Variants in SLAIN1 observed in about 807,000 individuals in gnomAD.
SLAIN1 encodes SLAIN motif-containing protein 1.
A neutral mutation model predicts 55.4 loss-of-function variants in SLAIN1; 17 were observed. The observed-to-expected ratio is 0.31, with a 90% CI of 0.21 to 0.46. SLAIN1 has a LOEUF of 0.46. SLAIN1 is among the 20% of genes least tolerant of loss of function. SLAIN1 has a pLI of 1.00. For missense variants in SLAIN1, 682 were observed against 785.1 expected, an observed-to-expected ratio of 0.87 and a Z score of 1.57; for synonymous variants, 348 against 337.4, an observed-to-expected ratio of 1.03 and a Z score of -0.35.
chr13:77,718,240 TTA>T (rs1286775990), intron 1 of SLAIN1, among the ~76,000 whole-genome samples: 4 of 152,130 alleles, frequency 2.6e-5, no homozygotes, highest in African/African-American at 9.7e-5. Flanking sequence ...AGATACGGTT[TTA>T]TGTTTTTAAA....
chr13:77,753,337 A>G lies in SLAIN1; in HGVS notation c.1393A>G (p.Ile465Val), dbSNP rs1874376264. Residue 465 changes from isoleucine to valine, a missense_variant, in exon 5 of 7, where the codon ATT becomes GTT. By Grantham distance (29) the Ile-to-Val change is conservative. Transcript: ENST00000418532. The part of the protein sequence containing the change: ...DSSLHGAGNG[I>V]SRIQSCIPSP... ...AAGCTTGCATGGAGCTGGAAATGGA[A>G]TTTCAAGAATACAATCTTGTAGTGA... 6.2e-7 allele frequency: 1 copy of G among 1,608,228 alleles called. No homozygotes were observed. Among genetic ancestry groups the G allele is most frequent in the Non-Finnish European group, 8.5e-7 (1 of 1,177,158 alleles).
intron 1 of SLAIN1, among the ~76,000 whole-genome samples, chr13:77,703,988 TAG>T: frequency 2.9e-5 from 2 of 68,642 alleles, no homozygotes. Flanking sequence ...TATATATACA[TAG>T]AAAATATATA....
At chr13:77,747,575 C>T (rs565663850) in intron 4 of SLAIN1, among the ~76,000 whole-genome samples, 4 of 152,240 alleles carry the variant, frequency 2.6e-5, no homozygotes, top group Middle Eastern at 3.4e-3. Context: ...ACTGTCTGTT[C>T]CTAGCACAGA....
In SLAIN1 at chr13:77,697,827, G is replaced by A; in HGVS notation, c.-87G>A. On this transcript the variant is annotated 5_prime_UTR_variant, in exon 1 of 7. Transcript: ENST00000418532. ...GTCGGCCCCCCAGGCCGGGGCGACA[G>A]GGAAGGAGCCGTAGCCTCCCCGTGG... The A allele has an allele frequency of 8.3e-7, 1 of 1,199,578 alleles. No individual in the cohort carries two copies. The highest frequency in any genetic ancestry group is 1.0e-6 in the Non-Finnish European group (1 of 967,736). 74.3% of individuals were successfully genotyped at this position (1,199,578 alleles called of 1,614,324 possible).
chr13:77,741,232 A>G (rs1326096616), intron 2 of SLAIN1: 2 of 986,626 alleles, frequency 2.0e-6, no homozygotes, highest in Non-Finnish European at 2.4e-6. Context: ...AGTCACAAAG[A>G]ACTATTGGTC....
At position 77,717,990 on chromosome 13, in the gene SLAIN1, A is replaced by G. The variant is rs184921122; in HGVS notation, c.627-1542A>G. ...GGAAGTGGAAGGGATTATTACCTAC[A>G]TAGGTAGGTGATAATCTTGCCATAG... On this transcript the variant is annotated intron_variant, in intron 1 of 6. Transcript: ENST00000418532. 3.0e-4 allele frequency among the ~76,000 whole-genome samples: 45 copies of G among 152,220 alleles called. No individual in the cohort carries two copies. The South Asian group carries it at 6.8e-3, about 23-fold the overall frequency.
intron 5 of SLAIN1, among the ~76,000 whole-genome samples, chr13:77,756,967 T>C (rs1215169890): frequency 1.3e-5 from 2 of 152,136 alleles, no homozygotes; most frequent in African/African-American, 4.8e-5. Context: ...TACATGAACA[T>C]ATGCACTTTG....
rs370020705 is a variant in SLAIN1, at chr13:77,730,890, G to A, written c.766+11219G>A. On this transcript the variant is annotated intron_variant, in intron 2 of 6. Transcript: ENST00000418532. ...GGGAAAACAAGCAATTAAATCATAAGTTTTTTGGTCATTTTTAATTTCTTA... is the reference window on the plus strand; with the variant it reads ...GGGAAAACAAGCAATTAAATCATAAATTTTTTGGTCATTTTTAATTTCTTA... 4.3e-4 allele frequency among the ~76,000 whole-genome samples: 66 copies of A among 152,234 alleles called. No individual in the cohort carries two copies. The South Asian group carries it at 9.5e-3, about 22-fold the overall frequency.
rs1215352096 is a variant in SLAIN1 at position 77,698,159 on chromosome 13, C to T, written c.246C>T (p.Ser82=). 7 of 1,149,290 alleles carry T rather than the reference C, an allele frequency of 6.1e-6. No homozygotes were observed. Among genetic ancestry groups the T allele is most frequent in the South Asian group, 8.4e-5 (2 of 23,748 alleles). The allele number at this position is 1,149,290 out of a possible 1,614,324, so 71.2% of individuals were successfully genotyped here. The change falls in exon 1 of 7, where the codon AGC becomes AGT. Residue 82 remains serine (S), a synonymous_variant. Transcript: ENST00000418532. This position sits in a 1 kb window ranked among gnomAD's most constrained non-coding sequence, Gnocchi z 4.1. The part of the protein sequence containing the change: ...PAGLQPLGPR[S]PPAATATAAA... ...GCCTGCAGCCTTTGGGTCCTCGGAG[C>T]CCCCCGGCCGCCACGGCCACCGCCG...
At chr13:77,722,655 A>G (rs1485444309) in intron 2 of SLAIN1, among the ~76,000 whole-genome samples, 2 of 152,216 alleles carry the variant, frequency 1.3e-5, no homozygotes, top group South Asian at 2.1e-4. Context: ...TGTCCTTTCT[A>G]TGTAACCTTT....
Position 77,760,837 on chromosome 13 carries a change from C to G in SLAIN1, c.1424C>G (p.Pro475Arg), listed in dbSNP as rs144133289. 2.5e-5 allele frequency: 41 copies of G among 1,613,134 alleles called. No homozygotes were observed. The highest frequency in any genetic ancestry group is 3.1e-5 in the Non-Finnish European group (37 of 1,179,664). ...TCATTTTCTCTTCTAGTTCCATCAC[C>G]GGGACAGCTTCAACACAGGGTCCAC... ...ISRIQSCIPSPGQLQHRVHSV... is the reference protein window; with the variant it reads ...ISRIQSCIPSRGQLQHRVHSV... Residue 475 changes from proline (P) to arginine (R), a missense_variant, in exon 6 of 7, where the codon CCG becomes CGG. Physicochemically the swap from Pro to Arg is moderately radical, Grantham distance 103 (BLOSUM62 -2). Coordinates refer to ENST00000418532, the MANE Select transcript of SLAIN1 (RefSeq NM_001242868.2).
chr13:77,756,530 A>G (rs1257943400), intron 5 of SLAIN1, among the ~76,000 whole-genome samples: 2 of 152,098 alleles, frequency 1.3e-5, no homozygotes, highest in African/African-American at 4.8e-5. Flanking sequence ...TATTTTGAAT[A>G]TAATTGATTT....
At chr13:77,762,753 A>G (rs1200944417) in intron 6 of SLAIN1, among the ~76,000 whole-genome samples, 1 of 152,192 alleles carries the variant, frequency 6.6e-6, no homozygotes, top group African/African-American at 2.4e-5. Context: ...TCAATTACTA[A>G]TAAGGTTTTG....
chr13:77,737,448 CACTA>C (rs1466384532), intron 2 of SLAIN1, among the ~76,000 whole-genome samples: 1 of 152,066 alleles, frequency 6.6e-6, no homozygotes, highest in African/African-American at 2.4e-5. Flanking sequence ...ACAGTCAAAA[CACTA>C]ACTGTTCATT....
chr13:77,727,385 T>C (rs1023783581), intron 2 of SLAIN1, among the ~76,000 whole-genome samples: 7 of 151,794 alleles, frequency 4.6e-5, no homozygotes, highest in Non-Finnish European at 7.4e-5. Flanking sequence ...AAGTACTGAA[T>C]TTTTTTTGTG....
intron 6 of SLAIN1, among the ~76,000 whole-genome samples, chr13:77,761,444 T>C (rs1875012842): frequency 6.6e-6 from 1 of 152,176 alleles, no homozygotes; most frequent in Non-Finnish European, 1.5e-5. Context: ...CTCCCTCAGG[T>C]CTTTGCTCAG....
At chr13:77,715,659 G>A (rs948245965) in intron 1 of SLAIN1, among the ~76,000 whole-genome samples, 2 of 151,984 alleles carry the variant, frequency 1.3e-5, no homozygotes, top group East Asian at 1.9e-4. Context: ...ATCTCATTGT[G>A]GTTTTAGCTA....
intron 5 of SLAIN1, among the ~76,000 whole-genome samples, chr13:77,760,355 A>G (rs769872732): frequency 9.2e-5 from 14 of 152,236 alleles, no homozygotes; most frequent in Admixed American, 2.0e-4. Flanking sequence ...GATAAATGAC[A>G]TAATGAATAT....
At chr13:77,700,196 ATTT>A (rs2091017567) in intron 1 of SLAIN1, among the ~76,000 whole-genome samples, 1 of 152,204 alleles carries the variant, frequency 6.6e-6, no homozygotes, top group African/African-American at 2.4e-5. Context: ...TATTACTAGC[ATTT>A]TGGTACCTAG....
Sources: allele counts gnomAD v4.1 joint callset (sites outside exome capture counted in the v4.1 genomes callset), GRCh38; gene constraint gnomAD v4.1.1; non-coding constraint Gnocchi (gnomAD v3.1); transcripts MANE v1.5; gene names NCBI Gene and HGNC (gene_info 2026-07-23, HGNC 2026-07-21).